Variants in IL37 observed in about 807,000 individuals in gnomAD.
The protein encoded by IL37 is interleukin 37, also known as interleukin-37.
In IL37, 15 loss-of-function variants were observed where a neutral mutation model predicts 15.4. The observed-to-expected ratio is 0.98, with a 90% CI of 0.65 to 1.50. The LOEUF (loss-of-function observed/expected upper bound fraction) is 1.50, where lower values mean the gene tolerates loss of function less well. Among genes scored for constraint, IL37 ranks in the 40% most tolerant of loss-of-function variants. The pLI is 0.00. For missense variants in IL37, 269 were observed against 261.7 expected (o/e 1.03, Z -0.19); for synonymous variants, 98 against 97.4 (o/e 1.01, Z -0.03).
chr2:112,917,541 A>G, intron 4 of IL37, 94 bp from the exon 5 acceptor site: 1 of 1,257,944 alleles, frequency 7.9e-7, no homozygotes, highest in Non-Finnish European at 1.1e-6. Flanking sequence ...GAGTCAAGGG[A>G]GAGGGACTGT....
Position 112,918,693 on chromosome 2 carries a change from T to C in IL37, c.541T>C (p.Cys181Arg), listed in dbSNP as rs1315083878. Residue 181 changes from cysteine (C) to arginine (R), a missense_variant, in exon 6 of 6, where the codon TGC becomes CGC. Transcript: ENST00000263326. ...AHPGWFICTS[C>R]NCNEPVGVTD... is the part of the protein sequence containing the mutation. ...CCCCGGATGGTTCATCTGCACCTCC[T>C]GCAATTGTAATGAGCCTGTTGGGGT... 6.2e-7 allele frequency: 1 copy of C among 1,614,150 alleles called. No homozygotes were observed. The highest frequency in any genetic ancestry group is 8.5e-7 in the Non-Finnish European group (1 of 1,180,016).
chr2:112,913,964 C>T (rs1683241657), intron 3 of IL37, 110 bp downstream of exon 3: 1 of 846,162 alleles, frequency 1.2e-6, no homozygotes, highest in Non-Finnish European at 2.0e-6. Flanking sequence ...ATGGGGACAC[C>T]TAAGGGTGCT....
At chr2:112,915,955 C>T (rs1413947389) in intron 3 of IL37, among the ~76,000 whole-genome samples, 1 of 152,102 alleles carries the variant, frequency 6.6e-6, no homozygotes, top group Non-Finnish European at 1.5e-5. Context: ...GCTGCAGCAC[C>T]AGAGAGGAAG....
intron 4 of IL37, 99 bp downstream of exon 4, chr2:112,917,347 C>A: frequency 7.2e-7 from 1 of 1,394,374 alleles, no homozygotes; most frequent in Non-Finnish European, 9.8e-7. Flanking sequence ...GCCCCATCTC[C>A]AGCAGGTGGT....
Position 112,918,050 on chromosome 2 carries a change from C to T in IL37, c.408+273C>T, listed in dbSNP as rs534097747. Reference sequence around the variant, plus strand: ...TGGGCTCACTGGTCCTGGCCCTGGGCGGGTGGCGGTCCCCTCCTGCTGTGG... The same window carrying T: ...TGGGCTCACTGGTCCTGGCCCTGGGTGGGTGGCGGTCCCCTCCTGCTGTGG... On this transcript the variant is annotated intron_variant, in intron 5 of 5. Coordinates refer to ENST00000263326, the MANE Select transcript of IL37 (RefSeq NM_014439.4). Among the ~76,000 whole-genome samples the T allele has an allele frequency of 4.6e-5, 7 of 152,290 alleles. No homozygotes were observed. In the South Asian group the frequency reaches 1.0e-3, roughly 23 times the overall value.
rs780531022 is a variant in IL37, at chr2:112,918,623, T to C, written c.471T>C (p.Tyr157=). The C allele has an allele frequency of 4.1e-5, 66 of 1,613,890 alleles. No homozygotes were observed. The highest frequency in any genetic ancestry group is 5.4e-5 in the Non-Finnish European group (64 of 1,180,024). Residue 157 remains tyrosine (Y), a synonymous_variant, in exon 6 of 6, where the codon TAT becomes TAC. Transcript: ENST00000263326. The stretch of plus-strand genomic sequence containing the variant: ...CAGCACGCCGGCCCTTCATCTTTTA[T>C]AGGGCTCAGGTGGGCTCCTGGAACA... ...KESARRPFIF[Y]RAQVGSWNML... is the part of the protein sequence containing the mutation.
intron 3 of IL37, chr2:112,915,390 C>G: frequency 1.4e-6 from 1 of 726,468 alleles, no homozygotes; most frequent in East Asian, 2.9e-5. Flanking sequence ...AAATGCCACC[C>G]ACCAGGTGAT....
chr2:112,918,340 T>C (rs975152829), intron 5 of IL37, among the ~76,000 whole-genome samples: 1 of 151,558 alleles, frequency 6.6e-6, no homozygotes, highest in Non-Finnish European at 1.5e-5. Context: ...TCTCTCAGTT[T>C]ATTTTTAATC....
At chr2:112,915,480 A>G (rs1573313316) in intron 3 of IL37, among the ~76,000 whole-genome samples, 1 of 152,190 alleles carries the variant, frequency 6.6e-6, no homozygotes, top group East Asian at 1.9e-4. Flanking sequence ...CAGCACCCAC[A>G]GCTCTGGGAG....
chr2:112,915,200 G>A, intron 3 of IL37: 1 of 1,613,820 alleles, frequency 6.2e-7, no homozygotes, highest in Non-Finnish European at 8.5e-7. Flanking sequence ...CCTATGTCAG[G>A]CTGTGATAGG....
At chr2:112,911,293 T>G (rs1164050895) in intron 1 of IL37, among the ~76,000 whole-genome samples, 45 bp downstream of exon 1, 1 of 152,192 alleles carries the variant, frequency 6.6e-6, no homozygotes, top group Non-Finnish European at 1.5e-5. Flanking sequence ...ACAGGATGGA[T>G]GGGGAAGTAG....
At chr2:112,914,129 G>T (rs1683246812) in intron 3 of IL37, among the ~76,000 whole-genome samples, 1 of 152,128 alleles carries the variant, frequency 6.6e-6, no homozygotes, top group Non-Finnish European at 1.5e-5. Context: ...TGCCTCTTCT[G>T]ACCATAGCCA....
chr2:112,917,061 G>C, intron 3 of IL37, 68 bp from the exon 4 acceptor site: 2 of 1,579,328 alleles, frequency 1.3e-6, no homozygotes, highest in South Asian at 2.3e-5. Flanking sequence ...GCCCTTGGAC[G>C]TGGGGAAGAA....
intron 3 of IL37, among the ~76,000 whole-genome samples, 180 bp from the exon 4 acceptor site, chr2:112,916,949 C>G (rs1472870178): frequency 6.6e-6 from 1 of 152,188 alleles, no homozygotes; most frequent in East Asian, 1.9e-4. Context: ...GCACAGAAAG[C>G]TTAATTGCTT....
chr2:112,918,312 C>CATCT (rs1558803409), intron 5 of IL37, among the ~76,000 whole-genome samples: 1 of 62,078 alleles, frequency 1.6e-5, no homozygotes, highest in Non-Finnish European at 4.6e-5. Flanking sequence ...CTGACTCTTA[C>CATCT]GTCTCTCTCT....
intron 5 of IL37, among the ~76,000 whole-genome samples, chr2:112,918,313 G>C (rs2708946): frequency 7.4e-5 from 11 of 148,294 alleles, no homozygotes; most frequent in East Asian, 2.0e-4. Flanking sequence ...TGACTCTTAC[G>C]TCTCTCTCTC....
At chr2:112,918,315 C>A (rs1007199463) in intron 5 of IL37, among the ~76,000 whole-genome samples, 4 of 135,688 alleles carry the variant, frequency 2.9e-5, no homozygotes, top group South Asian at 2.2e-4. Flanking sequence ...ACTCTTACGT[C>A]TCTCTCTCTC....
chr2:112,916,838 A>AG (rs1683323408), intron 3 of IL37, among the ~76,000 whole-genome samples: 1 of 152,226 alleles, frequency 6.6e-6, no homozygotes, highest in Non-Finnish European at 1.5e-5. Flanking sequence ...CATTTCACAG[A>AG]TGAGGACATT....
In IL37 at chr2:112,912,989, T is replaced by C; in HGVS notation, c.-24T>C. 1 of 1,546,086 alleles carries C rather than the reference T, an allele frequency of 6.5e-7. No individual in the cohort carries two copies. Among genetic ancestry groups the C allele is most frequent in the Non-Finnish European group, 8.8e-7 (1 of 1,142,118 alleles). On this transcript the variant is annotated 5_prime_UTR_variant, in exon 2 of 6. Transcript: ENST00000263326. ...TCTTGGACTTCATTCCATTTTCTGT[T>C]GAGTAATAAACTCAACGTTGAAAAT...
Sources: allele counts gnomAD v4.1 joint callset (sites outside exome capture counted in the v4.1 genomes callset), GRCh38; gene constraint gnomAD v4.1.1; transcripts MANE v1.5; gene names NCBI Gene and HGNC (gene_info 2026-07-23, HGNC 2026-07-21).